The following ODAD2 variants were observed in gnomAD, a reference collection of about 807,000 sequenced individuals.
ODAD2 encodes the protein outer dynein arm-docking complex subunit 2.
ODAD2 carries 89 observed loss-of-function variants against 106.8 expected under a neutral mutation model. The observed-to-expected ratio is 0.83, with a 90% CI of 0.70 to 0.99. The LOEUF is 0.99. Among genes scored for constraint, ODAD2 ranks in the 50% least tolerant of loss-of-function variants. ODAD2 has a pLI of 0.00. For synonymous variants in ODAD2, 404 were observed against 436.2 expected (o/e 0.93, Z 0.92); for missense variants, 1,168 against 1,238.5 (o/e 0.94, Z 0.85).
At chr10:27,892,010 A>G (rs1251347457) in intron 17 of ODAD2, among the ~76,000 whole-genome samples, 1 of 152,202 alleles carries the variant, frequency 6.6e-6, no homozygotes, top group Non-Finnish European at 1.5e-5. Flanking sequence ...CAACTTCATA[A>G]TACTGAACAC....
intron 16 of ODAD2, among the ~76,000 whole-genome samples, chr10:27,925,448 C>A (rs77885800): frequency 0.031 from 4,719 of 152,286 alleles, 256 homozygotes; most frequent in African/African-American, 0.11. Flanking sequence ...GCCTCAAATT[C>A]CTGATCTCAA....
chr10:27,864,916 T>C (rs1244120031), intron 17 of ODAD2, among the ~76,000 whole-genome samples: 1 of 152,104 alleles, frequency 6.6e-6, no homozygotes, highest in Non-Finnish European at 1.5e-5. Flanking sequence ...CCATTTTAGG[T>C]TTTTAAAAGT....
In ODAD2 at chr10:27,812,884, TG is replaced by T. The variant is rs536964995; in HGVS notation, c.3022-260del. Among the ~76,000 whole-genome samples, 23 of 152,310 alleles carry T rather than the reference TG, an allele frequency of 1.5e-4. No individual in the cohort carries two copies. In the East Asian group the frequency reaches 4.4e-3, roughly 29 times the overall value. ...TCTCTGGGTATCTAACTGCTATTTT[TG>T]GGTCTGCTTCTGAAATTTCTCTTGC... is the stretch of plus-strand genomic sequence containing the variant. On this transcript the variant is annotated intron_variant, in intron 19 of 19. Coordinates refer to ENST00000305242, the MANE Select transcript of ODAD2 (RefSeq NM_018076.5).
rs1564509280 is a variant in ODAD2 at position 27,924,009 on chromosome 10, A to AGG, written c.2495+11000_2495+11001insCC. Among the ~76,000 whole-genome samples the AGG allele has an allele frequency of 6.5e-3, 628 of 97,150 alleles. 15 individuals are homozygous for AGG. Among genetic ancestry groups the AGG allele is most frequent in the Non-Finnish European group, 8.6e-3 (392 of 45,742 alleles). The allele number at this position is 97,150 out of a possible 152,430, so 63.7% of individuals were successfully genotyped here. A position where few individuals can be genotyped will look rare whatever the true frequency, so the allele number is the denominator to read the frequency against. On this transcript the variant is annotated intron_variant, in intron 16 of 19. Transcript: ENST00000305242. ...AAGAAAGAAAGAAAGAAAGAAAGAAAGAAAGAAAGAAAGAAGGAAAGAGAA... is the reference window on the plus strand; with the variant it reads ...AAGAAAGAAAGAAAGAAAGAAAGAAAGGGAAAGAAAGAAAGAAGGAAAGAGAA...
intron 17 of ODAD2, among the ~76,000 whole-genome samples, chr10:27,876,972 C>T (rs1188935722): frequency 6.6e-6 from 1 of 151,982 alleles, no homozygotes; most frequent in African/African-American, 2.4e-5. Flanking sequence ...TCTTCCAGGA[C>T]AAAGAGACTC....
intron 10 of ODAD2, chr10:27,958,958 A>G (rs1445116448): frequency 5.4e-6 from 7 of 1,303,472 alleles, no homozygotes; most frequent in Non-Finnish European, 7.1e-6. Context: ...TGCCATTTTG[A>G]CTTGTTTCCT....
chr10:27,852,947 C>T (rs1344837563), intron 19 of ODAD2, among the ~76,000 whole-genome samples: 6 of 112,558 alleles, frequency 5.3e-5, no homozygotes, highest in Non-Finnish European at 1.0e-4. Context: ...GGTGACAGAA[C>T]GAGACACAGT....
At chr10:27,915,913 C>G (rs2133922501) in intron 16 of ODAD2, among the ~76,000 whole-genome samples, 1 of 152,166 alleles carries the variant, frequency 6.6e-6, no homozygotes, top group South Asian at 2.1e-4. Context: ...TATATATGGC[C>G]TCAATTAGCA....
intron 10 of ODAD2, chr10:27,957,076 T>A (rs7907415): frequency 6.6e-6 from 1 of 151,854 alleles, no homozygotes. Flanking sequence ...TCCTTTAATC[T>A]CTGGAAGTGA....
At chr10:27,840,585 T>G (rs1162693819) in intron 19 of ODAD2, among the ~76,000 whole-genome samples, 2 of 152,082 alleles carry the variant, frequency 1.3e-5, no homozygotes, top group African/African-American at 2.4e-5. Flanking sequence ...ATTTTTGAAC[T>G]GAAAATGGGG....
chr10:27,828,402 G>A (rs1179631893), intron 19 of ODAD2, among the ~76,000 whole-genome samples: 1 of 152,210 alleles, frequency 6.6e-6, no homozygotes, highest in African/African-American at 2.4e-5. Context: ...TTCTGGAGAA[G>A]TCAAAATGAG....
At chr10:27,851,092 G>C (rs1331176123) in intron 19 of ODAD2, among the ~76,000 whole-genome samples, 1 of 152,108 alleles carries the variant, frequency 6.6e-6, no homozygotes, top group African/African-American at 2.4e-5. Flanking sequence ...TTTGAGGGCA[G>C]GAAAAGAACC....
intron 1 of ODAD2, among the ~76,000 whole-genome samples, chr10:27,996,842 A>T (rs1246251621): frequency 6.6e-6 from 1 of 152,224 alleles, no homozygotes; most frequent in African/African-American, 2.4e-5. Context: ...GTTCACAGTC[A>T]TTCTGTGTAA....
At chr10:27,906,562 G>A (rs1011257830) in intron 17 of ODAD2, among the ~76,000 whole-genome samples, 6 of 152,026 alleles carry the variant, frequency 3.9e-5, no homozygotes, top group South Asian at 2.1e-4. Context: ...ACATGCACAC[G>A]TATATGTTTA....
chr10:27,900,728 T>C (rs974624954), intron 17 of ODAD2, among the ~76,000 whole-genome samples: 1 of 151,940 alleles, frequency 6.6e-6, no homozygotes, highest in Non-Finnish European at 1.5e-5. Flanking sequence ...TTGAAGGTCA[T>C]CTTAGTGAAA....
intron 2 of ODAD2, among the ~76,000 whole-genome samples, chr10:27,991,218 A>C (rs2133197673): frequency 6.6e-6 from 1 of 152,322 alleles, no homozygotes; most frequent in East Asian, 1.9e-4. Context: ...AAAGAGACCT[A>C]TGATTTCCAT....
chr10:27,882,279 G>C (rs1213557131), intron 17 of ODAD2, among the ~76,000 whole-genome samples: 1 of 151,786 alleles, frequency 6.6e-6, no homozygotes, highest in African/African-American at 2.4e-5. Flanking sequence ...TTACTGAACA[G>C]GGATAGGATT....
intron 9 of ODAD2, among the ~76,000 whole-genome samples, chr10:27,962,164 C>G (rs537164606): frequency 4.1e-4 from 62 of 152,306 alleles, no homozygotes; most frequent in Admixed American, 1.2e-3. Flanking sequence ...TCATAATAAA[C>G]AAAACAGTGA....
intron 19 of ODAD2, among the ~76,000 whole-genome samples, chr10:27,823,538 T>C (rs1309032680): frequency 6.6e-6 from 1 of 152,186 alleles, no homozygotes; most frequent in Non-Finnish European, 1.5e-5. Context: ...TAATAGTACT[T>C]TCCTAATAAG....
Sources: gnomAD v4.1 joint callset for allele counts (sites outside exome capture counted in the v4.1 genomes callset) on GRCh38, gnomAD v4.1.1 for gene constraint, MANE v1.5 for transcripts, NCBI Gene and HGNC (gene_info 2026-07-23, HGNC 2026-07-21) for gene names.